The following ATRX variants were observed in gnomAD, a reference collection of about 807,000 sequenced individuals.
ATRX encodes ATRX chromatin remodeler.
ATRX carries 12 observed loss-of-function variants against 172.6 expected under a neutral mutation model. The observed-to-expected ratio is 0.07, with a 90% CI of 0.04 to 0.11. ATRX has a LOEUF of 0.11. ATRX is among the 10% of genes least tolerant of loss of function. ATRX has a pLI of 1.00. For synonymous variants in ATRX, 674 were observed against 594.7 expected (o/e 1.13, Z -1.94); for missense variants, 1,368 against 1,767.4 (o/e 0.77, Z 4.05).
At chrX:77,570,165 G>A (rs2065357892) in intron 28 of ATRX, among the ~76,000 whole-genome samples, 2 of 109,226 alleles carry the variant, frequency 1.8e-5, no homozygotes, top group Admixed American at 2.0e-4. Context: ...AGTAAAGGAA[G>A]TATGGTTTTT....
intron 30 of ATRX, among the ~76,000 whole-genome samples, chrX:77,540,618 C>G (rs2063939442): frequency 8.9e-6 from 1 of 112,133 alleles, no homozygotes; most frequent in African/African-American, 3.2e-5. Context: ...CAAACAGTCT[C>G]TCAGAACACA....
At chrX:77,713,657 A>C (rs782452923) in intron 2 of ATRX, among the ~76,000 whole-genome samples, 1 of 112,067 alleles carries the variant, frequency 8.9e-6, no homozygotes, top group East Asian at 2.8e-4. Context: ...ACTGATACAA[A>C]TAATTGAATA....
intron 22 of ATRX, among the ~76,000 whole-genome samples, chrX:77,609,411 T>G (rs938610336): frequency 2.7e-5 from 3 of 112,049 alleles, no homozygotes; most frequent in Non-Finnish European, 5.6e-5. Context: ...TAAAAGAGAA[T>G]GAGATCCTGT....
chrX:77,784,027 C>T (rs1432368947), intron 1 of ATRX, among the ~76,000 whole-genome samples: 1 of 112,250 alleles, frequency 8.9e-6, no homozygotes, highest in African/African-American at 3.2e-5. Flanking sequence ...ATATGAACTT[C>T]TTTCATTGTA....
chrX:77,641,292 A>G (rs1393586475), intron 15 of ATRX, among the ~76,000 whole-genome samples: 2 of 111,055 alleles, frequency 1.8e-5, no homozygotes, highest in Non-Finnish European at 1.9e-5. Flanking sequence ...AAAATGCCCA[A>G]ATAGGCCGGG....
rs782372589 is a variant in ATRX at position 77,615,918 on chromosome X, C to A, written c.5566+695G>T. On this transcript the variant is annotated intron_variant, in intron 22 of 34. Coordinates refer to ENST00000373344, the MANE Select transcript of ATRX (RefSeq NM_000489.6). ...AGTAATATCATTTGGGGAAAGGTAC[C>A]AGAATAAGTGATCAACAAGTAAGAA... 1.2e-5 allele frequency: 9 copies of A among 737,598 alleles called. No individual in the cohort carries two copies. In the East Asian group the frequency reaches 6.2e-4, roughly 50 times the overall value. The allele number at this position is 737,598 out of a possible 1,213,427, so 60.8% of individuals were successfully genotyped here.
Position 77,506,142 on chromosome X carries a change from C to A in ATRX, c.*2209G>T, listed in dbSNP as rs1333325401. 5.9e-6 allele frequency: 1 copy of A among 170,912 alleles called. No homozygotes were observed. The highest frequency in any genetic ancestry group is 1.1e-5 in the Non-Finnish European group (1 of 89,191). The allele number at this position is 170,912 out of a possible 1,213,427, so 14.1% of individuals were successfully genotyped here. ...CTGTATTACAAGCAACATTTTAAAT[C>A]ATCATTTTTAATCCATTGCAACTAT... On this transcript the variant is annotated 3_prime_UTR_variant, in exon 35 of 35. Transcript: ENST00000373344.
chrX:77,658,000 C>T (rs781865901), intron 12 of ATRX, among the ~76,000 whole-genome samples: 1 of 110,690 alleles, frequency 9.0e-6, no homozygotes, highest in East Asian at 2.8e-4. Flanking sequence ...CTTGAGCCCA[C>T]GAATTTGAGA....
chrX:77,677,046 T>C (rs1215703010), intron 9 of ATRX, among the ~76,000 whole-genome samples: 1 of 107,781 alleles, frequency 9.3e-6, no homozygotes, highest in Non-Finnish European at 1.9e-5. Flanking sequence ...CACTTGAACC[T>C]GGGAGGCGGA....
At chrX:77,702,635 C>T (rs1390567912) in intron 2 of ATRX, among the ~76,000 whole-genome samples, 1 of 110,060 alleles carries the variant, frequency 9.1e-6, no homozygotes, top group African/African-American at 3.3e-5. Flanking sequence ...AAAAGAAGTA[C>T]AAAACATACT....
chrX:77,594,971 T>C (rs925662257), intron 25 of ATRX: 4 of 111,954 alleles, frequency 3.6e-5, no homozygotes, highest in African/African-American at 6.5e-5. Context: ...GTTCTCCTCA[T>C]AGACATCTAG....
At chrX:77,511,386 TC>T (rs1557036462) in intron 34 of ATRX, among the ~76,000 whole-genome samples, 1 of 111,059 alleles carries the variant, frequency 9.0e-6, no homozygotes, top group Non-Finnish European at 1.9e-5. Flanking sequence ...AATACCTAAC[TC>T]TTCAATGCCC....
intron 1 of ATRX, among the ~76,000 whole-genome samples, chrX:77,783,170 G>C (rs1019630658): frequency 9.0e-6 from 1 of 111,638 alleles, no homozygotes; most frequent in African/African-American, 3.3e-5. Flanking sequence ...GGGAGGCGGA[G>C]GCGGCAGTAA....
intron 19 of ATRX, among the ~76,000 whole-genome samples, chrX:77,628,710 C>A: frequency 9.0e-6 from 1 of 111,616 alleles, no homozygotes; most frequent in African/African-American, 3.3e-5. Flanking sequence ...TGGACTCAAG[C>A]AATCATCCCA....
intron 25 of ATRX, chrX:77,594,710 T>C (rs1186554003): frequency 9.0e-6 from 1 of 111,355 alleles, no homozygotes; most frequent in Non-Finnish European, 1.9e-5. Context: ...CATGATCCCA[T>C]TCTCTTTCCT....
At chrX:77,648,305 C>T (rs2069019163) in intron 15 of ATRX, among the ~76,000 whole-genome samples, 1 of 111,036 alleles carries the variant, frequency 9.0e-6, no homozygotes, top group African/African-American at 3.3e-5. Context: ...CCAACAACAG[C>T]AGAATATAAA....
chrX:77,539,665 C>T (rs1172099141), intron 30 of ATRX, among the ~76,000 whole-genome samples: 1 of 111,481 alleles, frequency 9.0e-6, no homozygotes, highest in Non-Finnish European at 1.9e-5. Flanking sequence ...CAATATTCAA[C>T]ATTCTTAAAG....
At chrX:77,767,850 CTG>C (rs1421022544) in intron 1 of ATRX, among the ~76,000 whole-genome samples, 2 of 112,082 alleles carry the variant, frequency 1.8e-5, no homozygotes, top group Non-Finnish European at 3.8e-5. Flanking sequence ...CAACCCCAAA[CTG>C]TATTTCTGAA....
chrX:77,559,086 A>T (rs893835755), intron 28 of ATRX, among the ~76,000 whole-genome samples: 1 of 111,602 alleles, frequency 9.0e-6, no homozygotes, highest in African/African-American at 3.2e-5. Context: ...AGATGAAATG[A>T]AAAATCAAAT....
Sources: gnomAD v4.1 joint callset for allele counts (sites outside exome capture counted in the v4.1 genomes callset) on GRCh38, gnomAD v4.1.1 for gene constraint, MANE v1.5 for transcripts, NCBI Gene and HGNC (gene_info 2026-07-23, HGNC 2026-07-21) for gene names.